The following ARHGAP24 variants were observed in gnomAD, a reference collection of about 807,000 sequenced individuals.
ARHGAP24 encodes rho GTPase-activating protein 24.
In ARHGAP24, 50 loss-of-function variants were observed where a neutral mutation model predicts 76.4. The observed-to-expected ratio is 0.65, with a 90% CI of 0.52 to 0.83. The LOEUF is 0.83. Ranked by LOEUF, ARHGAP24 falls within the 40% of genes least tolerant of loss-of-function variation. ARHGAP24 has a pLI of 0.00. For missense variants in ARHGAP24, 930 were observed against 914.2 expected, an observed-to-expected ratio of 1.02 and a Z score of -0.22; for synonymous variants, 345 against 323.3, an observed-to-expected ratio of 1.07 and a Z score of -0.72.
At chr4:85,484,790 T>C (rs1385331129) in intron 1 of ARHGAP24, among the ~76,000 whole-genome samples, 1 of 152,026 alleles carries the variant, frequency 6.6e-6, no homozygotes, top group Admixed American at 6.5e-5. Context: ...CTGATTTTTG[T>C]CTTTTTAGTA....
intron 2 of ARHGAP24, among the ~76,000 whole-genome samples, chr4:85,579,853 G>A (rs1028412986): frequency 4.6e-5 from 7 of 151,962 alleles, no homozygotes; most frequent in African/African-American, 1.7e-4. Context: ...TCCATTTGTC[G>A]GTTGATGGAC....
rs370718582 is a variant in ARHGAP24 at position 85,826,299 on chromosome 4, T to A, written c.269-97349T>A. Among the ~76,000 whole-genome samples the A allele has an allele frequency of 2.6e-5, 4 of 152,076 alleles. 1 individual carries two copies. The highest frequency in any genetic ancestry group is 2.6e-4 in the Admixed American group (4 of 15,250). On this transcript the variant is annotated intron_variant, in intron 3 of 9. Transcript: ENST00000395184. ...TCCCCTTCATTAATCCCCTTCTCCA[T>A]CCCCCTCAAACACAGGAGTACAACA...
chr4:85,848,879 A>G (rs554307220), intron 3 of ARHGAP24, among the ~76,000 whole-genome samples: 1 of 152,120 alleles, frequency 6.6e-6, no homozygotes, highest in Non-Finnish European at 1.5e-5. Context: ...GTCAGGTAGC[A>G]TGATGTTTCC....
intron 2 of ARHGAP24, among the ~76,000 whole-genome samples, chr4:85,639,845 G>T (rs1156885532): frequency 2.0e-5 from 3 of 152,120 alleles, no homozygotes; most frequent in Non-Finnish European, 1.5e-5. Flanking sequence ...AATATGCCAT[G>T]ATGGGAGTTT....
chr4:85,827,956 G>A (rs1277105962), intron 3 of ARHGAP24: 1 of 1,289,668 alleles, frequency 7.8e-7, no homozygotes, highest in Non-Finnish European at 1.0e-6. Context: ...ACTGACCACT[G>A]AAGTGTATGT....
chr4:85,739,156 T>C (rs1018238597), intron 3 of ARHGAP24, among the ~76,000 whole-genome samples: 3 of 152,226 alleles, frequency 2.0e-5, no homozygotes, highest in Non-Finnish European at 2.9e-5. Context: ...GGAGGACTGC[T>C]TGGGCTCCCT....
intron 2 of ARHGAP24, among the ~76,000 whole-genome samples, chr4:85,623,230 G>T (rs1433732804): frequency 6.6e-6 from 1 of 152,092 alleles, no homozygotes; most frequent in Admixed American, 6.6e-5. Flanking sequence ...ATGGTTTTAG[G>T]TCTAACATGT....
chr4:85,553,804 C>T (rs969083623), intron 1 of ARHGAP24, among the ~76,000 whole-genome samples: 2 of 152,092 alleles, frequency 1.3e-5, no homozygotes, highest in Non-Finnish European at 2.9e-5. Context: ...TGCCATTGAG[C>T]CCATTTACAT....
intron 5 of ARHGAP24, among the ~76,000 whole-genome samples, chr4:85,958,955 T>C (rs556656092): frequency 2.0e-5 from 3 of 152,326 alleles, no homozygotes; most frequent in African/African-American, 7.2e-5. Flanking sequence ...CATAATGTTT[T>C]TGAGGTTCAT....
chr4:85,540,362 A>G (rs1040919094), intron 1 of ARHGAP24, among the ~76,000 whole-genome samples: 4 of 152,164 alleles, frequency 2.6e-5, no homozygotes, highest in African/African-American at 7.2e-5. Flanking sequence ...AATGTGACCA[A>G]TCTTCTGATG....
intron 2 of ARHGAP24, among the ~76,000 whole-genome samples, chr4:85,661,752 G>A (rs1278177205): frequency 6.6e-6 from 1 of 151,616 alleles, no homozygotes; most frequent in Non-Finnish European, 1.5e-5. Context: ...CCACCTATGA[G>A]TGAGAGCATG....
intron 3 of ARHGAP24, among the ~76,000 whole-genome samples, chr4:85,905,433 T>C (rs910655690): frequency 2.6e-5 from 4 of 152,206 alleles, no homozygotes; most frequent in African/African-American, 9.6e-5. Flanking sequence ...TTACATACTA[T>C]ATGAATATTC....
intron 1 of ARHGAP24, among the ~76,000 whole-genome samples, chr4:85,507,280 G>A (rs1030904768): frequency 3.9e-5 from 6 of 152,018 alleles, no homozygotes; most frequent in African/African-American, 1.4e-4. Flanking sequence ...GGAGTGCAGT[G>A]GTGCGATCAT....
At chr4:85,737,612 A>C (rs1391598987) in intron 3 of ARHGAP24, among the ~76,000 whole-genome samples, 2 of 152,220 alleles carry the variant, frequency 1.3e-5, no homozygotes, top group Non-Finnish European at 2.9e-5. Context: ...AATTGGGAGC[A>C]GCAAGGAGAT....
At chr4:85,683,936 T>C (rs1723325235) in intron 2 of ARHGAP24, among the ~76,000 whole-genome samples, 1 of 152,204 alleles carries the variant, frequency 6.6e-6, no homozygotes, top group Non-Finnish European at 1.5e-5. Context: ...CAGAATTTCC[T>C]TTAAGGCTGA....
chr4:85,751,020 T>A (rs1020476214), intron 3 of ARHGAP24, among the ~76,000 whole-genome samples: 3 of 152,176 alleles, frequency 2.0e-5, no homozygotes, highest in Non-Finnish European at 2.9e-5. Flanking sequence ...CACATAAAAA[T>A]AAGTTTTTCC....
At chr4:85,703,288 G>A (rs931195) in intron 2 of ARHGAP24, among the ~76,000 whole-genome samples, 100,029 of 151,956 alleles carry the variant, frequency 0.66, 34,781 homozygotes, top group Non-Finnish European at 0.79. Context: ...AGGCACTACT[G>A]TTTTCTCTGC....
At chr4:85,876,003 A>G (rs1330983836) in intron 3 of ARHGAP24, among the ~76,000 whole-genome samples, 1 of 152,090 alleles carries the variant, frequency 6.6e-6, no homozygotes, top group Non-Finnish European at 1.5e-5. Flanking sequence ...TCAGCCTCCG[A>G]AAGTGCTGGG....
intron 1 of ARHGAP24, among the ~76,000 whole-genome samples, chr4:85,557,396 T>C (rs569561029): frequency 6.6e-6 from 1 of 152,282 alleles, no homozygotes; most frequent in African/African-American, 2.4e-5. Flanking sequence ...CTGCCCAGAC[T>C]CCCACGTAGT....
Sources: gnomAD v4.1 joint callset for allele counts (sites outside exome capture counted in the v4.1 genomes callset) on GRCh38, gnomAD v4.1.1 for gene constraint, MANE v1.5 for transcripts, NCBI Gene and HGNC (gene_info 2026-07-23, HGNC 2026-07-21) for gene names.